SCN2A: variants seen among roughly 807,000 people sequenced by gnomAD.
SCN2A encodes the protein sodium channel protein type 2 subunit alpha.
SCN2A carries 20 observed loss-of-function variants against 188.7 expected under a neutral mutation model. The ratio of observed to expected loss-of-function variants is 0.11; its 90% CI spans 0.07 to 0.15. The LOEUF is 0.15. SCN2A is among the 10% of genes least tolerant of loss of function. SCN2A has a pLI of 1.00. For missense variants in SCN2A, 1,278 were observed against 2,445.0 expected, an observed-to-expected ratio of 0.52 and a Z score of 10.07; for synonymous variants, 804 against 833.1, an observed-to-expected ratio of 0.97 and a Z score of 0.60.
At chr2:165,265,471 CTATA>C (rs1178289931) in intron 1 of SCN2A, among the ~76,000 whole-genome samples, 1,358 of 28,896 alleles carry the variant, frequency 0.047, 14 homozygotes, top group Admixed American at 0.08. Context: ...CTCTGTTGAT[CTATA>C]TATATATATA....
intron 1 of SCN2A, among the ~76,000 whole-genome samples, chr2:165,257,783 C>A (rs1034441797): frequency 6.6e-6 from 1 of 152,140 alleles, no homozygotes; most frequent in African/African-American, 2.4e-5. Context: ...AGTGATCCAC[C>A]CCCCTCGGCC....
Position 165,354,429 on chromosome 2 carries a change from A to T in SCN2A, c.3157A>T (p.Ile1053Phe). Residue 1053 changes from isoleucine (I) to phenylalanine (F), a missense_variant, in exon 17 of 27, where the codon ATT (isoleucine) becomes TTT (phenylalanine). Physicochemically the swap from Ile to Phe is conservative, Grantham distance 21. This residue lies in a region of SCN2A where 228 missense variants were observed against 297.3 expected (regional missense o/e 0.77). Coordinates refer to ENST00000375437, the MANE Select transcript of SCN2A (RefSeq NM_001040142.2). ...EDLNNKKDSCISNHTTIEIGK... is the reference protein window; with the variant it reads ...EDLNNKKDSCFSNHTTIEIGK... ...TCTAAATAATAAAAAAGACAGCTGT[A>T]TTTCCAACCATACCACCATAGAAAT... 1 of 1,614,142 alleles carries T rather than the reference A, an allele frequency of 6.2e-7. No individual in the cohort carries two copies. The highest frequency in any genetic ancestry group is 8.5e-7 in the Non-Finnish European group (1 of 1,180,006).
chr2:165,316,929 A>G (rs556143248), intron 11 of SCN2A, among the ~76,000 whole-genome samples: 39 of 149,620 alleles, frequency 2.6e-4, no homozygotes, highest in African/African-American at 8.9e-4. Flanking sequence ...TTGGTATTCA[A>G]ATTTTGCCTG....
intron 1 of SCN2A, among the ~76,000 whole-genome samples, chr2:165,291,407 C>CTGT (rs1231007183): frequency 5.2e-4 from 64 of 123,364 alleles, no homozygotes; most frequent in Middle Eastern, 4.3e-3. Context: ...TTCCTTCCTT[C>CTGT]CTTCCTTCCT....
chr2:165,389,890 G>T lies in SCN2A; in HGVS notation c.*66G>T. On this transcript the variant is annotated 3_prime_UTR_variant, in exon 27 of 27. Transcript: ENST00000375437. The surrounding 1 kb of genome is among the most constrained non-coding windows in gnomAD (Gnocchi z 4.2). ...CAGCCCGTGATGGTGATGTGTTTGT[G>T]TCAACAGGACTCCCACAGGAGGTCT... 6.5e-7 allele frequency: 1 copy of T among 1,539,274 alleles called. No individual in the cohort carries two copies.
intron 12 of SCN2A, among the ~76,000 whole-genome samples, chr2:165,325,282 C>G (rs1402200125): frequency 6.6e-6 from 1 of 152,134 alleles, no homozygotes; most frequent in South Asian, 2.1e-4. Flanking sequence ...CAGCTTGAAG[C>G]AAAGCTTTGT....
At position 165,342,613 on chromosome 2, in the gene SCN2A, T is replaced by A. The variant is rs1029335027; in HGVS notation, c.2562+144T>A. 1.7e-5 allele frequency: 14 copies of A among 835,540 alleles called. No individual in the cohort carries two copies. The East Asian group carries it at 3.7e-4, about 22-fold the overall frequency. The allele number at this position is 835,540 out of a possible 1,614,324, so 51.8% of individuals were successfully genotyped here. On this transcript the variant is annotated intron_variant, in intron 15 of 26. Transcript: ENST00000375437. ...CAAATTGGATTGCCATACCACCAAA[T>A]GGTAGTTTCTTCTTCATCATAGCTT... is the stretch of plus-strand genomic sequence containing the variant.
chr2:165,283,857 C>CATCCAT (rs1695699924), intron 1 of SCN2A, among the ~76,000 whole-genome samples: 1 of 152,144 alleles, frequency 6.6e-6, no homozygotes, highest in African/African-American at 2.4e-5. Context: ...AATTATTCAA[C>CATCCAT]ATCCATACAC....
intron 14 of SCN2A, among the ~76,000 whole-genome samples, chr2:165,334,101 T>C (rs1205598042): frequency 2.0e-5 from 3 of 150,278 alleles, no homozygotes; most frequent in Non-Finnish European, 4.5e-5. Context: ...TTATAATAAG[T>C]AAACATTGAA....
chr2:165,296,304 T>G, intron 2 of SCN2A: 1 of 584,758 alleles, frequency 1.7e-6, no homozygotes, highest in Non-Finnish European at 3.0e-6. Context: ...AGAGAACTGG[T>G]GAGGCATCCT....
chr2:165,324,026 A>T (rs938198587), intron 12 of SCN2A, among the ~76,000 whole-genome samples: 1 of 152,198 alleles, frequency 6.6e-6, no homozygotes, highest in Non-Finnish European at 1.5e-5. Flanking sequence ...TTGTAAATTT[A>T]TACATGAAGA....
intron 25 of SCN2A, among the ~76,000 whole-genome samples, chr2:165,383,344 T>A (rs1181066923): frequency 2.0e-5 from 3 of 151,952 alleles, no homozygotes; most frequent in African/African-American, 7.3e-5. Flanking sequence ...CAGAGTGGGA[T>A]GAGAAGAGCC....
chr2:165,313,018 G>A (rs1697528082), intron 8 of SCN2A, among the ~76,000 whole-genome samples: 1 of 152,000 alleles, frequency 6.6e-6, no homozygotes, highest in Admixed American at 6.6e-5. Context: ...CTTCTTCAAT[G>A]TTTGCAAATT....
intron 1 of SCN2A, among the ~76,000 whole-genome samples, chr2:165,256,524 T>C (rs1352220632): frequency 6.6e-6 from 1 of 152,198 alleles, no homozygotes; most frequent in Non-Finnish European, 1.5e-5. Flanking sequence ...TAATTAACTT[T>C]TTACTCTGAG....
rs1395260935 is a variant in SCN2A at position 165,291,050 on chromosome 2, T to C, written c.-51-4723T>C. On this transcript the variant is annotated intron_variant, in intron 1 of 26. Transcript: ENST00000375437. ...TCTTTTCTTTCTTTTTTTTTTTTTT[T>C]TTTTTTTTTGAGACTGAGTTTCACT... Among the ~76,000 whole-genome samples the C allele has an allele frequency of 2.2e-3, 310 of 139,834 alleles. 3 individuals carry two copies. The highest frequency in any genetic ancestry group is 7.7e-3 in the African/African-American group (294 of 37,958). The allele number at this position is 139,834 out of a possible 152,430, so 91.7% of individuals were successfully genotyped here.
At chr2:165,298,755 TA>T (rs1365605678) in intron 3 of SCN2A, among the ~76,000 whole-genome samples, 99 of 152,312 alleles carry the variant, frequency 6.5e-4, no homozygotes, top group African/African-American at 2.2e-3. Flanking sequence ...AATCTCTGCA[TA>T]AACTATTCAT....
At chr2:165,250,201 T>C (rs1694023837) in intron 1 of SCN2A, among the ~76,000 whole-genome samples, 1 of 152,004 alleles carries the variant, frequency 6.6e-6, no homozygotes, top group African/African-American at 2.4e-5. Flanking sequence ...CTGCCCTCCA[T>C]AGGAGGTAAT....
intron 16 of SCN2A, among the ~76,000 whole-genome samples, chr2:165,349,083 T>A (rs1216267853): frequency 4.6e-5 from 7 of 152,188 alleles, no homozygotes; most frequent in Non-Finnish European, 1.0e-4. Context: ...GAACAGAAAG[T>A]GCCATAGGGT....
intron 14 of SCN2A, among the ~76,000 whole-genome samples, chr2:165,332,516 G>A (rs1486454015): frequency 6.6e-6 from 1 of 151,966 alleles, no homozygotes; most frequent in Non-Finnish European, 1.5e-5. Flanking sequence ...TTGGGAAACT[G>A]TATCCATGAG....
Sources: gnomAD v4.1 joint callset for allele counts (sites outside exome capture counted in the v4.1 genomes callset) on GRCh38, gnomAD v4.1.1 for gene constraint, gnomAD v4.1.1 regional missense constraint, Gnocchi (gnomAD v3.1) non-coding constraint, MANE v1.5 for transcripts, NCBI Gene and HGNC (gene_info 2026-07-23, HGNC 2026-07-21) for gene names.